USP13: variants seen among roughly 807,000 people sequenced by gnomAD.
The protein encoded by USP13 is ubiquitin specific peptidase 13, also known as ubiquitin carboxyl-terminal hydrolase 13.
Under a neutral mutation model 107.8 loss-of-function variants are expected in USP13, and 68 were observed. The ratio of observed to expected loss-of-function variants is 0.63; its 90% CI spans 0.52 to 0.77. The LOEUF is 0.77. Among genes scored for constraint, USP13 ranks in the 30% least tolerant of loss-of-function variants. The pLI is 0.00. For synonymous variants in USP13, 377 were observed against 389.5 expected, an observed-to-expected ratio of 0.97 and a Z score of 0.38; for missense variants, 945 against 1,093.3, an observed-to-expected ratio of 0.86 and a Z score of 1.91.
Position 179,740,470 on chromosome 3 carries a change from T to C in USP13, c.1380+98T>C. On this transcript the variant is annotated intron_variant, in intron 11 of 20. Transcript: ENST00000263966. Reference sequence around the variant, plus strand: ...TGGCTTGATCAGAATGCCTCCCCACTCTCTTTCTTCAATCTCTCCTGTTAA... The same window carrying C: ...TGGCTTGATCAGAATGCCTCCCCACCCTCTTTCTTCAATCTCTCCTGTTAA... 9 of 1,532,174 alleles carry C rather than the reference T, an allele frequency of 5.9e-6. No individual in the cohort carries two copies. In the South Asian group the frequency reaches 1.1e-4, roughly 18 times the overall value. 94.9% of individuals were successfully genotyped at this position (1,532,174 alleles called of 1,614,324 possible). A position where few individuals can be genotyped will look rare whatever the true frequency, so the allele number is the denominator to read the frequency against.
At chr3:179,692,254 G>A (rs1054410123) in intron 3 of USP13, among the ~76,000 whole-genome samples, 10 of 152,294 alleles carry the variant, frequency 6.6e-5, no homozygotes, top group Admixed American at 3.9e-4. Flanking sequence ...AACTTTTTCT[G>A]TAACAAACAT....
intron 3 of USP13, among the ~76,000 whole-genome samples, chr3:179,697,629 G>A (rs548421457): frequency 6.6e-6 from 1 of 152,282 alleles, no homozygotes; most frequent in South Asian, 2.1e-4. Flanking sequence ...CTGGGGAGAA[G>A]TTGGGGGTCC....
At chr3:179,766,983 T>C (rs1171990078) in intron 19 of USP13, among the ~76,000 whole-genome samples, 1 of 152,200 alleles carries the variant, frequency 6.6e-6, no homozygotes, top group African/African-American at 2.4e-5. Context: ...GCCACACTCT[T>C]AGCCTACTCA....
chr3:179,699,522 A>C (rs576834240), intron 3 of USP13, among the ~76,000 whole-genome samples: 2 of 152,074 alleles, frequency 1.3e-5, no homozygotes, highest in African/African-American at 2.4e-5. Flanking sequence ...GACTGGCCTG[A>C]GCCACATAGT....
rs190564289 is a variant in USP13, at chr3:179,667,723, C to T, written c.169-14155C>T. Among the ~76,000 whole-genome samples the T allele has an allele frequency of 2.0e-4, 31 of 152,278 alleles. No homozygotes were observed. The South Asian group carries it at 2.7e-3, about 13-fold the overall frequency. Reference sequence around the variant, plus strand: ...GTGCAATGGAGCAATCTCGGCTCGCCGCAACCTCTGTCTCCTGGGTTCAAG... The same window carrying T: ...GTGCAATGGAGCAATCTCGGCTCGCTGCAACCTCTGTCTCCTGGGTTCAAG... On this transcript the variant is annotated intron_variant, in intron 1 of 20. Transcript: ENST00000263966.
chr3:179,728,976 G>GAGGGGA (rs1290690978), intron 8 of USP13, among the ~76,000 whole-genome samples: 25 of 105,150 alleles, frequency 2.4e-4, no homozygotes, highest in African/African-American at 7.9e-4. Flanking sequence ...TGGGGAGACG[G>GAGGGGA]AGAGGAAGAG....
Position 179,754,779 on chromosome 3 carries a change from G to C in USP13, c.1846G>C (p.Ala616Pro). The C allele has an allele frequency of 1.2e-6, 2 of 1,613,546 alleles. No homozygotes were observed. Among genetic ancestry groups the C allele is most frequent in the Non-Finnish European group, 1.7e-6 (2 of 1,179,806 alleles). ...PDLLDINHLR[A>P]RGLQPGEEEL... ...CCTACTTGATATCAACCATCTCCGAGCCAGGGGGTTACAGCCAGGAGAGGA... is the reference window on the plus strand; with the variant it reads ...CCTACTTGATATCAACCATCTCCGACCCAGGGGGTTACAGCCAGGAGAGGA... The change falls in exon 15 of 21, where the codon GCC becomes CCC. Residue 616 changes from alanine (A) to proline (P), a missense_variant. Physicochemically the swap from Ala to Pro is conservative, Grantham distance 27 (BLOSUM62 -1). Transcript: ENST00000263966.
intron 1 of USP13, among the ~76,000 whole-genome samples, chr3:179,671,254 A>G (rs892477487): frequency 1.3e-5 from 2 of 152,084 alleles, no homozygotes; most frequent in Admixed American, 6.5e-5. Context: ...TAAAATCTCA[A>G]GTTATTGCCA....
intron 19 of USP13, among the ~76,000 whole-genome samples, chr3:179,775,080 T>C (rs1576993877): frequency 6.6e-6 from 1 of 151,910 alleles, no homozygotes. Context: ...TACAATCCTT[T>C]AGCTAGTCAC....
In USP13 at chr3:179,653,860, T is replaced by G. The variant is rs1353525412; in HGVS notation, c.168+467T>G. 1.3e-5 allele frequency: 2 copies of G among 153,620 alleles called. No homozygotes were observed. The highest frequency in any genetic ancestry group is 4.8e-5 in the African/African-American group (2 of 41,488). The allele number at this position is 153,620 out of a possible 1,614,324, so 9.5% of individuals were successfully genotyped here. Reference sequence around the variant, plus strand: ...CCACTTCTGGACAATTCTGATTTGCTCTCTGAGCTTTTCTTCCACCAGTTC... The same window carrying G: ...CCACTTCTGGACAATTCTGATTTGCGCTCTGAGCTTTTCTTCCACCAGTTC... On this transcript the variant is annotated intron_variant, in intron 1 of 20. Transcript: ENST00000263966. This position sits in a 1 kb window ranked among gnomAD's most constrained non-coding sequence, Gnocchi z 4.0.
chr3:179,694,736 G>A (rs567214698), intron 3 of USP13, among the ~76,000 whole-genome samples: 75 of 150,818 alleles, frequency 5.0e-4, no homozygotes, highest in African/African-American at 1.7e-3. Flanking sequence ...GGGAGGCGGA[G>A]GTTGCAGTGA....
chr3:179,666,555 A>G (rs541793889), intron 1 of USP13, among the ~76,000 whole-genome samples: 28 of 152,244 alleles, frequency 1.8e-4, no homozygotes, highest in African/African-American at 6.5e-4. Context: ...GGAGCTGTCA[A>G]TCTGGAGTGG....
At chr3:179,778,654 T>C (rs934993935) in intron 19 of USP13, among the ~76,000 whole-genome samples, 10 of 151,996 alleles carry the variant, frequency 6.6e-5, no homozygotes, top group South Asian at 4.1e-4. Context: ...TAGTCCCAGC[T>C]ACTTGGGAGG....
Position 179,653,443 on chromosome 3 carries a change from C to T in USP13, c.168+50C>T, listed in dbSNP as rs779215084. 2.6e-6 allele frequency: 4 copies of T among 1,529,718 alleles called. No homozygotes were observed. Among genetic ancestry groups the T allele is most frequent in the Non-Finnish European group, 3.5e-6 (4 of 1,134,546 alleles). 94.8% of individuals were successfully genotyped at this position (1,529,718 alleles called of 1,614,324 possible). A position where few individuals can be genotyped will look rare whatever the true frequency, so the allele number is the denominator to read the frequency against. On this transcript the variant is annotated intron_variant, in intron 1 of 20. Transcript: ENST00000263966. This position sits in a 1 kb window ranked among gnomAD's most constrained non-coding sequence, Gnocchi z 4.0. Reference sequence around the variant, plus strand: ...GTCGCGGGGCCGGCGGCCTGCGGCACGTGAAGCCGGGGGAGAAGATGCGCA... The same window carrying T: ...GTCGCGGGGCCGGCGGCCTGCGGCATGTGAAGCCGGGGGAGAAGATGCGCA...
intron 9 of USP13, 109 bp downstream of exon 9, chr3:179,730,369 A>T (rs1713757441): frequency 3.4e-6 from 4 of 1,181,164 alleles, no homozygotes; most frequent in South Asian, 2.9e-5. Context: ...ATGTATTTTT[A>T]AAAAAGTGTT....
In USP13 at chr3:179,653,261, C is replaced by T; in HGVS notation, c.36C>T (p.Gly12=). ...GGGGCGCCCTGTTCGGCATGCCGGG[C>T]GGCAGCGGAGGCAGGAAGATGGCTG... ...QRRGALFGMP[G]GSGGRKMAAG... The change falls in exon 1 of 21, where the codon GGC becomes GGT. Residue 12 remains glycine (G), a synonymous_variant. Coordinates refer to ENST00000263966, the MANE Select transcript of USP13 (RefSeq NM_003940.3). The surrounding 1 kb of genome is among the most constrained non-coding windows in gnomAD (Gnocchi z 4.0). The T allele has an allele frequency of 6.4e-7, 1 of 1,561,318 alleles. No homozygotes were observed. The highest frequency in any genetic ancestry group is 8.7e-7 in the Non-Finnish European group (1 of 1,153,548).
chr3:179,726,410 C>T (rs890742535), intron 8 of USP13, among the ~76,000 whole-genome samples: 2 of 151,914 alleles, frequency 1.3e-5, no homozygotes, highest in African/African-American at 2.4e-5. Context: ...AGCTTTCAGG[C>T]GAGAGTCAAA....
chr3:179,760,993 C>G (rs994843046), intron 16 of USP13, 119 bp from the exon 17 acceptor site: 1 of 1,255,436 alleles, frequency 8.0e-7, no homozygotes, highest in Non-Finnish European at 1.1e-6. Flanking sequence ...AAACCATTAT[C>G]TACACCCAAC....
intron 3 of USP13, among the ~76,000 whole-genome samples, chr3:179,697,315 T>C (rs1166674336): frequency 6.6e-6 from 1 of 152,234 alleles, no homozygotes; most frequent in Non-Finnish European, 1.5e-5. Context: ...CTTTTGAAGG[T>C]AAATAGTTGG....
Sources: gnomAD v4.1 joint callset for allele counts (sites outside exome capture counted in the v4.1 genomes callset) on GRCh38, gnomAD v4.1.1 for gene constraint, Gnocchi (gnomAD v3.1) non-coding constraint, MANE v1.5 for transcripts, NCBI Gene and HGNC (gene_info 2026-07-23, HGNC 2026-07-21) for gene names.